Variants in NRG1 observed in about 807,000 individuals in gnomAD.
The protein encoded by NRG1 is neuregulin 1, also known as pro-neuregulin-1, membrane-bound isoform.
Under a neutral mutation model 63.8 loss-of-function variants are expected in NRG1, and 18 were observed. That is an observed-to-expected ratio of 0.28 (90% CI 0.19 to 0.42). The LOEUF is 0.42. Among genes scored for constraint, NRG1 ranks in the 10% least tolerant of loss-of-function variants. The pLI is 1.00. For synonymous variants in NRG1, 302 were observed against 301.3 expected, an observed-to-expected ratio of 1.00 and a Z score of -0.02; for missense variants, 762 against 814.7, an observed-to-expected ratio of 0.94 and a Z score of 0.79.
At chr8:32,444,086 C>T (rs1483054136) in intron 1 of NRG1, among the ~76,000 whole-genome samples, 1 of 148,670 alleles carries the variant, frequency 6.7e-6, no homozygotes, top group Non-Finnish European at 1.5e-5. Context: ...TCCCTCCCTC[C>T]CTCTCTCTTT....
intron 1 of NRG1, among the ~76,000 whole-genome samples, chr8:31,727,171 T>C (rs886678084): frequency 1.3e-5 from 2 of 152,146 alleles, no homozygotes; most frequent in Non-Finnish European, 2.9e-5. Context: ...TTAAGGAGCT[T>C]ACCATCTAGT....
chr8:32,687,239 G>A (rs930378338), intron 5 of NRG1, among the ~76,000 whole-genome samples: 1 of 152,090 alleles, frequency 6.6e-6, no homozygotes, highest in African/African-American at 2.4e-5. Context: ...TCAATAAAGG[G>A]GCAAACAAGG....
chr8:32,522,685 G>A (rs762060449), intron 1 of NRG1, among the ~76,000 whole-genome samples: 30 of 151,766 alleles, frequency 2.0e-4, no homozygotes, highest in Non-Finnish European at 3.8e-4. Flanking sequence ...TCCCTTTCTT[G>A]TTTCTTTCCT....
intron 1 of NRG1, among the ~76,000 whole-genome samples, chr8:32,301,133 A>C (rs17631135): frequency 0.054 from 8,211 of 152,284 alleles, 268 homozygotes; most frequent in South Asian, 0.071. Context: ...GTAGTAAAAG[A>C]TATAAATAAT....
chr8:31,887,138 A>G (rs529121492), intron 1 of NRG1, among the ~76,000 whole-genome samples: 5 of 152,182 alleles, frequency 3.3e-5, no homozygotes, highest in Admixed American at 1.3e-4. Context: ...CCTGCTTGTT[A>G]GTTTTGTCCT....
chr8:32,483,959 C>T (rs138995927), intron 1 of NRG1, among the ~76,000 whole-genome samples: 1,922 of 152,014 alleles, frequency 0.013, 45 homozygotes, highest in African/African-American at 0.044. Context: ...AAAAATTAGC[C>T]AGGCGTGGTG....
intron 1 of NRG1, among the ~76,000 whole-genome samples, chr8:32,574,989 C>T (rs559085201): frequency 2.2e-4 from 33 of 152,300 alleles, no homozygotes; most frequent in African/African-American, 6.7e-4. Context: ...TCTCTGCTTT[C>T]AGGGAACTCC....
chr8:32,426,503 T>C (rs1039669546), intron 1 of NRG1, among the ~76,000 whole-genome samples: 2 of 152,216 alleles, frequency 1.3e-5, no homozygotes, highest in African/African-American at 4.8e-5. Context: ...CCTACTGTAA[T>C]GTATAAAACA....
At chr8:31,699,858 A>G (rs1157286328) in intron 1 of NRG1, among the ~76,000 whole-genome samples, 2 of 152,180 alleles carry the variant, frequency 1.3e-5, no homozygotes, top group Non-Finnish European at 2.9e-5. Context: ...GTGCTTCCCA[A>G]ATAAAAACTG....
At chr8:32,755,060 G>A (rs1311468123) in intron 8 of NRG1, among the ~76,000 whole-genome samples, 1 of 152,072 alleles carries the variant, frequency 6.6e-6, no homozygotes, top group Non-Finnish European at 1.5e-5. Flanking sequence ...ATCTAATTAG[G>A]TTGCCAGTAT....
At chr8:32,536,157 G>GTTCT (rs1323450896) in intron 1 of NRG1, among the ~76,000 whole-genome samples, 6 of 152,180 alleles carry the variant, frequency 3.9e-5, no homozygotes, top group African/African-American at 1.4e-4. Context: ...GCAAAGTCCT[G>GTTCT]TTCTTAGGGT....
intron 1 of NRG1, among the ~76,000 whole-genome samples, chr8:31,938,952 G>A (rs1801351828): frequency 6.6e-6 from 1 of 152,186 alleles, no homozygotes; most frequent in South Asian, 2.1e-4. Context: ...TAGTGTTCCC[G>A]AGGAAGAAGA....
At chr8:31,998,938 G>A (rs1246738869) in intron 1 of NRG1, among the ~76,000 whole-genome samples, 14 of 151,968 alleles carry the variant, frequency 9.2e-5, no homozygotes. Flanking sequence ...CAATGCAGAT[G>A]AGAATTTCAG....
In NRG1 at chr8:32,399,170, T is replaced by C. The variant is rs149658811; in HGVS notation, c.38-196658T>C. Among the ~76,000 whole-genome samples the C allele has an allele frequency of 1.9e-3, 296 of 152,260 alleles. 1 individual carries two copies. The highest frequency in any genetic ancestry group is 3.4e-3 in the Middle Eastern group (1 of 294). On this transcript the variant is annotated intron_variant, in intron 1 of 10. Transcript: ENST00000519301. ...ATTATTTTTTCATTAGAGTCCCTCC[T>C]ATTGAGGAAGGTTCATTAGCATGTG...
intron 1 of NRG1, among the ~76,000 whole-genome samples, chr8:32,524,268 T>C (rs1028893291): frequency 3.9e-5 from 6 of 152,106 alleles, no homozygotes; most frequent in Admixed American, 6.6e-5. Flanking sequence ...CCTCTTACCT[T>C]AGCTTCCTGA....
At chr8:32,564,068 G>C (rs771918185) in intron 1 of NRG1, among the ~76,000 whole-genome samples, 1 of 152,142 alleles carries the variant, frequency 6.6e-6, no homozygotes, top group Non-Finnish European at 1.5e-5. Flanking sequence ...GAATGTGTAT[G>C]ATAAATCATT....
upstream of NRG1, among the ~76,000 whole-genome samples, chr8:32,544,007 C>T (rs6982007): frequency 3.9e-3 from 591 of 152,288 alleles, 3 homozygotes; most frequent in African/African-American, 0.014. Context: ...ACCTCAATTT[C>T]CTCCCTCATA....
chr8:32,551,910 C>CTTTT (rs34051371), intron 1 of NRG1, among the ~76,000 whole-genome samples: 5 of 112,154 alleles, frequency 4.5e-5, no homozygotes, highest in East Asian at 2.8e-4. Flanking sequence ...AAAACCAGAG[C>CTTTT]TTTTTTTTTT....
At chr8:32,550,591 G>C (rs934222622) in intron 1 of NRG1, among the ~76,000 whole-genome samples, 4 of 152,090 alleles carry the variant, frequency 2.6e-5, no homozygotes, top group African/African-American at 9.7e-5. Flanking sequence ...TTTTGTCAAG[G>C]GCTCCCAGCA....
Sources: allele counts gnomAD v4.1 joint callset (sites outside exome capture counted in the v4.1 genomes callset), GRCh38; gene constraint gnomAD v4.1.1; transcripts MANE v1.5; gene names NCBI Gene and HGNC (gene_info 2026-07-23, HGNC 2026-07-21).